SMAD9: variants seen among roughly 807,000 people sequenced by gnomAD.
The protein encoded by SMAD9 is MAD homolog 9.
Under a neutral mutation model 46.1 loss-of-function variants are expected in SMAD9, and 36 were observed. The ratio of observed to expected loss-of-function variants is 0.78; its 90% CI spans 0.60 to 1.03. SMAD9 has a LOEUF of 1.03. SMAD9 is among the 50% of genes least tolerant of loss of function. SMAD9 has a pLI of 0.00. For synonymous variants in SMAD9, 245 were observed against 237.1 expected, an observed-to-expected ratio of 1.03 and a Z score of -0.31; for missense variants, 572 against 599.8, an observed-to-expected ratio of 0.95 and a Z score of 0.48.
rs1417203987 is a variant in SMAD9, at chr13:36,865,120, G to A, written c.1003+417C>T. ...AGTCATTCTTTCTAACTACCTAGCT[G>A]CTAAGTCTCCAAAGGGAACTTCACC... On this transcript the variant is annotated intron_variant, in intron 5 of 6. Coordinates refer to ENST00000379826, the MANE Select transcript of SMAD9 (RefSeq NM_001127217.3). Among the ~76,000 whole-genome samples the A allele has an allele frequency of 2.0e-5, 3 of 152,306 alleles. No individual in the cohort carries two copies. The East Asian group carries it at 5.8e-4, about 29-fold the overall frequency.
At chr13:36,854,484 C>T (rs2058104065) in intron 5 of SMAD9, among the ~76,000 whole-genome samples, 1 of 152,094 alleles carries the variant, frequency 6.6e-6, no homozygotes, top group Non-Finnish European at 1.5e-5. Flanking sequence ...TCTCCTGTCT[C>T]AGCCTCCTGA....
Position 36,846,413 on chromosome 13 carries a change from T to G in SMAD9, c.*2263A>C, listed in dbSNP as rs1440736353. 6 of 141,864 alleles carry G rather than the reference T, an allele frequency of 4.2e-5. No individual in the cohort carries two copies. The highest frequency in any genetic ancestry group is 2.3e-4 in the Admixed American group (3 of 12,836). 8.8% of individuals were successfully genotyped at this position (141,864 alleles called of 1,614,324 possible). ...TCACTCGAACCCGGGAGGCAGAGGTTGCAGTGAGCCAAGATCACGCCACTG... is the reference window on the plus strand; with the variant it reads ...TCACTCGAACCCGGGAGGCAGAGGTGGCAGTGAGCCAAGATCACGCCACTG... On this transcript the variant is annotated 3_prime_UTR_variant, in exon 7 of 7. Coordinates refer to ENST00000379826, the MANE Select transcript of SMAD9 (RefSeq NM_001127217.3).
At chr13:36,871,133 C>T (rs999712381) in intron 3 of SMAD9, among the ~76,000 whole-genome samples, 1 of 152,222 alleles carries the variant, frequency 6.6e-6, no homozygotes, top group Non-Finnish European at 1.5e-5. Flanking sequence ...CTAGCACTGG[C>T]CCAGTGCCAG....
chr13:36,912,659 G>A (rs1191306995), intron 1 of SMAD9, among the ~76,000 whole-genome samples: 1 of 152,132 alleles, frequency 6.6e-6, no homozygotes, highest in Non-Finnish European at 1.5e-5. Context: ...TCCTCCTCCT[G>A]ACAGACTCAG....
chr13:36,903,937 C>T (rs2058598375), intron 1 of SMAD9, among the ~76,000 whole-genome samples: 1 of 152,016 alleles, frequency 6.6e-6, no homozygotes, highest in African/African-American at 2.4e-5. Flanking sequence ...TAGTAATTTT[C>T]TTTGATGCAT....
At chr13:36,912,626 G>A (rs1172795866) in intron 1 of SMAD9, among the ~76,000 whole-genome samples, 1 of 152,126 alleles carries the variant, frequency 6.6e-6, no homozygotes, top group Admixed American at 6.6e-5. Flanking sequence ...GGAAAAACAG[G>A]AGGAAACTGT....
intron 6 of SMAD9, chr13:36,852,427 T>A (rs1298219686): frequency 1.0e-6 from 1 of 984,332 alleles, no homozygotes; most frequent in African/African-American, 1.8e-5. Context: ...TAGCAGGTGA[T>A]GAAACTGAAG....
Position 36,879,713 on chromosome 13 carries a change from G to T in SMAD9, c.-24C>A. ...ATAAGAGGCCACAGCAGGCTCCGGC[G>T]CGCACGGGAACCGCACAGCCCTTCA... On this transcript the variant is annotated 5_prime_UTR_variant, in exon 2 of 7. Coordinates refer to ENST00000379826, the MANE Select transcript of SMAD9 (RefSeq NM_001127217.3). 1.2e-6 allele frequency: 2 copies of T among 1,612,798 alleles called. No individual in the cohort carries two copies. Among genetic ancestry groups the T allele is most frequent in the South Asian group, 1.1e-5 (1 of 91,040 alleles).
At chr13:36,861,475 C>T (rs537162021) in intron 5 of SMAD9, among the ~76,000 whole-genome samples, 307 of 151,486 alleles carry the variant, frequency 2.0e-3, no homozygotes, top group Non-Finnish European at 3.5e-3. Context: ...CCACCACACC[C>T]GGCTAATTTT....
rs2058049451 is a variant in SMAD9 at position 36,848,389 on chromosome 13, G to A, written c.*287C>T. 4.6e-6 allele frequency: 2 copies of A among 435,232 alleles called. No individual in the cohort carries two copies. Among genetic ancestry groups the A allele is most frequent in the Non-Finnish European group, 8.5e-6 (2 of 236,564 alleles). 27.0% of individuals were successfully genotyped at this position (435,232 alleles called of 1,614,324 possible). A position where few individuals can be genotyped will look rare whatever the true frequency, so the allele number is the denominator to read the frequency against. On this transcript the variant is annotated 3_prime_UTR_variant, in exon 7 of 7. Transcript: ENST00000379826. ...GCTGACTAAAGCTGTCTTTTATTCTGCTAACACCCTTCAAATACTGTTGAC... is the reference window on the plus strand; with the variant it reads ...GCTGACTAAAGCTGTCTTTTATTCTACTAACACCCTTCAAATACTGTTGAC...
chr13:36,920,187 AGCGGCGGCGGCG>A lies in SMAD9; in HGVS notation c.-270_-259del, dbSNP rs770040180. 13 of 145,130 alleles carry A rather than the reference AGCGGCGGCGGCG, an allele frequency of 9.0e-5. No homozygotes were observed. The highest frequency in any genetic ancestry group is 5.6e-4 in the South Asian group (3 of 5,352). 9.0% of individuals were successfully genotyped at this position (145,130 alleles called of 1,614,324 possible). On this transcript the variant is annotated 5_prime_UTR_variant, in exon 1 of 7. Coordinates refer to ENST00000379826, the MANE Select transcript of SMAD9 (RefSeq NM_001127217.3). ...CGGGGACCGAGACAGCGGCTGCAGC[AGCGGCGGCGGCG>A]GCGGCGGCGGCGGCGGCCCCAGCCG...
intron 2 of SMAD9, among the ~76,000 whole-genome samples, chr13:36,874,854 CAAAAAAAAA>C (rs529721275): frequency 1.5e-5 from 1 of 66,066 alleles, no homozygotes; most frequent in African/African-American, 6.1e-5. Flanking sequence ...GACTCCGTCC[CAAAAAAAAA>C]AAAAAAAAAA....
At position 36,845,863 on chromosome 13, in the gene SMAD9, T is replaced by C. The variant is rs1435120185; in HGVS notation, c.*2813A>G. On this transcript the variant is annotated 3_prime_UTR_variant, in exon 7 of 7. Transcript: ENST00000379826. ...TGAGACATGACTGGTGATGATCATA[T>C]GTGCCAATTTAATAATTTATTTGTC... 1 of 152,234 alleles carries C rather than the reference T, an allele frequency of 6.6e-6. No homozygotes were observed. Among genetic ancestry groups the C allele is most frequent in the African/African-American group, 2.4e-5 (1 of 41,466 alleles). 9.4% of individuals were successfully genotyped at this position (152,234 alleles called of 1,614,324 possible).
At chr13:36,917,388 T>C (rs956020232) in intron 1 of SMAD9, among the ~76,000 whole-genome samples, 4 of 140,568 alleles carry the variant, frequency 2.8e-5, no homozygotes, top group Non-Finnish European at 6.2e-5. Context: ...ACTTATGCAT[T>C]TACTGTTTGC....
At position 36,917,213 on chromosome 13, in the gene SMAD9, T is replaced by C. The variant is rs529947632; in HGVS notation, c.-187+2903A>G. ...TATCTTGAAATCCTAACAACTTTAG[T>C]TGACACAAGTTTCTTAAGAGACAAA... On this transcript the variant is annotated intron_variant, in intron 1 of 6. Coordinates refer to ENST00000379826, the MANE Select transcript of SMAD9 (RefSeq NM_001127217.3). 5.1e-4 allele frequency among the ~76,000 whole-genome samples: 78 copies of C among 152,302 alleles called. 1 individual carries two copies. The highest frequency in any genetic ancestry group is 1.7e-3 in the African/African-American group (70 of 41,560).
Position 36,848,277 on chromosome 13 carries a change from G to T in SMAD9, c.*399C>A. On this transcript the variant is annotated 3_prime_UTR_variant, in exon 7 of 7. Transcript: ENST00000379826. ...GCTTTGTTTCATCTGAGTGATATTTGCTTTAGTGCTGCTAATACCTGACTT... is the reference window on the plus strand; with the variant it reads ...GCTTTGTTTCATCTGAGTGATATTTTCTTTAGTGCTGCTAATACCTGACTT... The T allele has an allele frequency of 5.2e-6, 1 of 193,914 alleles. No individual in the cohort carries two copies. The highest frequency in any genetic ancestry group is 1.1e-5 in the Non-Finnish European group (1 of 93,242). The allele number at this position is 193,914 out of a possible 1,614,324, so 12.0% of individuals were successfully genotyped here. A position where few individuals can be genotyped will look rare whatever the true frequency, so the allele number is the denominator to read the frequency against.
At chr13:36,886,899 A>C (rs1246997555) in intron 1 of SMAD9, among the ~76,000 whole-genome samples, 6 of 152,030 alleles carry the variant, frequency 3.9e-5, no homozygotes, top group African/African-American at 1.4e-4. Flanking sequence ...ACTGGAGGAA[A>C]AACTGTGGCC....
At chr13:36,879,156 CCTCTCTT>C (rs1254800986) in intron 2 of SMAD9, 115 bp downstream of exon 2, 14 of 870,022 alleles carry the variant, frequency 1.6e-5, no homozygotes, top group African/African-American at 5.1e-5. Flanking sequence ...ACCTCCCTCT[CCTCTCTT>C]CTCTCTCTCT....
At chr13:36,865,455 G>T in intron 5 of SMAD9, 82 bp downstream of exon 5, 5 of 1,136,930 alleles carry the variant, frequency 4.4e-6, no homozygotes, top group Non-Finnish European at 6.7e-6. Flanking sequence ...ACCAACATGT[G>T]AGGGTGGTCA....
Sources: gnomAD v4.1 joint callset for allele counts (sites outside exome capture counted in the v4.1 genomes callset) on GRCh38, gnomAD v4.1.1 for gene constraint, MANE v1.5 for transcripts, NCBI Gene and HGNC (gene_info 2026-07-23, HGNC 2026-07-21) for gene names.